ZPBP: variants seen among roughly 807,000 people sequenced by gnomAD.
ZPBP encodes zona pellucida binding protein.
A neutral mutation model predicts 44.8 loss-of-function variants in ZPBP; 26 were observed. The ratio of observed to expected loss-of-function variants is 0.58; its 90% confidence interval spans 0.43 to 0.81. ZPBP has a LOEUF of 0.81. Ranked by LOEUF, ZPBP falls within the 30% of genes least tolerant of loss-of-function variation. The probability of loss-of-function intolerance (pLI) is 0.00; values close to 1 mark genes in which losing one functional copy is unlikely to be tolerated. For missense variants in ZPBP, 409 were observed against 434.0 expected, an observed-to-expected ratio of 0.94 and a Z score of 0.51; for synonymous variants, 174 against 153.2, an observed-to-expected ratio of 1.14 and a Z score of -1.00.
intron 6 of ZPBP, 83 bp from the exon 7 acceptor site, chr7:49,983,602 A>T: frequency 1.1e-6 from 1 of 881,414 alleles, no homozygotes; most frequent in Non-Finnish European, 1.7e-6. Context: ...TGGATTTAGA[A>T]TTTAAAGAAA....
rs988006066 is a variant in ZPBP, at chr7:50,034,383, C to T, written c.488-3073G>A. Among the ~76,000 whole-genome samples, 77 of 152,112 alleles carry T rather than the reference C, an allele frequency of 5.1e-4. 4 individuals carry two copies. Among genetic ancestry groups the T allele is most frequent in the Non-Finnish European group, 7.4e-5 (5 of 68,024 alleles). On this transcript the variant is annotated intron_variant, in intron 4 of 7. Coordinates refer to ENST00000046087, the MANE Select transcript of ZPBP (RefSeq NM_007009.3). ...CCTGATACAAACTTTGGAGAAATCA[C>T]TACAACAACTTATGTATGTACAGAA...
intron 7 of ZPBP, among the ~76,000 whole-genome samples, chr7:49,981,289 AAT>A (rs1491285424): frequency 8.0e-5 from 6 of 74,850 alleles, no homozygotes; most frequent in Admixed American, 4.8e-4. Flanking sequence ...TATATTATAT[AAT>A]ATATATTATA....
intron 2 of ZPBP, among the ~76,000 whole-genome samples, chr7:49,887,391 A>G (rs1049214671): frequency 1.3e-5 from 2 of 152,240 alleles, no homozygotes; most frequent in African/African-American, 2.4e-5. Context: ...ATCAAGAATG[A>G]CAGACAAAGA....
chr7:49,924,837 G>A (rs549213813), intron 1 of ZPBP, among the ~76,000 whole-genome samples: 1 of 152,296 alleles, frequency 6.6e-6, no homozygotes, highest in South Asian at 2.1e-4. Flanking sequence ...TTCAGGATTT[G>A]AGGAACGACA....
downstream of ZPBP, among the ~76,000 whole-genome samples, chr7:49,845,934 G>A (rs1012601271): frequency 6.6e-6 from 1 of 152,168 alleles, no homozygotes; most frequent in African/African-American, 2.4e-5. Context: ...TTTCACTAAT[G>A]AGTCTTTGAC....
chr7:49,881,490 C>T (rs539096610), intron 2 of ZPBP, among the ~76,000 whole-genome samples: 64 of 152,240 alleles, frequency 4.2e-4, no homozygotes, highest in Middle Eastern at 6.8e-3. Flanking sequence ...ATGCACAAAA[C>T]GTCCTGTCTC....
intron 2 of ZPBP, among the ~76,000 whole-genome samples, chr7:49,857,789 A>C (rs1451451506): frequency 6.6e-6 from 1 of 152,194 alleles, no homozygotes; most frequent in Non-Finnish European, 1.5e-5. Flanking sequence ...CTACAGTCTC[A>C]CTTCTGGGTA....
At chr7:50,059,350 T>C (rs1801132107) in intron 3 of ZPBP, among the ~76,000 whole-genome samples, 1 of 152,166 alleles carries the variant, frequency 6.6e-6, no homozygotes, top group Non-Finnish European at 1.5e-5. Context: ...GAAAGAGAAA[T>C]GAACAGATGA....
chr7:50,082,243 C>T (rs150118559), intron 2 of ZPBP, among the ~76,000 whole-genome samples: 4 of 151,736 alleles, frequency 2.6e-5, no homozygotes, highest in Non-Finnish European at 5.9e-5. Context: ...ACTATATCTA[C>T]ACTTTATCTG....
intron 1 of ZPBP, among the ~76,000 whole-genome samples, chr7:49,904,981 AC>A (rs1352007755): frequency 6.6e-6 from 1 of 151,730 alleles, no homozygotes; most frequent in African/African-American, 2.4e-5. Flanking sequence ...TAATCTACCC[AC>A]CTCAGCCTCC....
intron 1 of ZPBP, among the ~76,000 whole-genome samples, chr7:49,925,111 G>C (rs753472296): frequency 6.6e-6 from 1 of 152,150 alleles, no homozygotes; most frequent in Non-Finnish European, 1.5e-5. Flanking sequence ...GGTAGTATCT[G>C]GTCCATTTCT....
chr7:49,888,093 T>A (rs1204209660), intron 2 of ZPBP, among the ~76,000 whole-genome samples: 1 of 152,252 alleles, frequency 6.6e-6, no homozygotes, highest in Non-Finnish European at 1.5e-5. Context: ...GAGACTCTTC[T>A]CAGCCTCTTC....
chr7:49,929,131 A>G (rs767103360), intron 1 of ZPBP, among the ~76,000 whole-genome samples: 5 of 152,216 alleles, frequency 3.3e-5, no homozygotes, highest in African/African-American at 1.2e-4. Context: ...AGCATGCCCA[A>G]TGGAAATAAA....
At chr7:49,854,558 T>C (rs1790335723) in intron 2 of ZPBP, among the ~76,000 whole-genome samples, 1 of 152,132 alleles carries the variant, frequency 6.6e-6, no homozygotes. Flanking sequence ...TTTGATGGGG[T>C]TGTTAGTTTT....
At chr7:49,977,285 G>A (rs578102706) in intron 7 of ZPBP, among the ~76,000 whole-genome samples, 27 of 152,032 alleles carry the variant, frequency 1.8e-4, no homozygotes, top group African/African-American at 3.1e-4. Flanking sequence ...TCGAAAAGGC[G>A]GATGAGTTTT....
intron 1 of ZPBP, chr7:49,914,255 T>C (rs1793605967): frequency 6.6e-6 from 1 of 152,238 alleles, no homozygotes; most frequent in African/African-American, 2.4e-5. Flanking sequence ...CTGTTTCCCT[T>C]AATAATAATT....
intron 7 of ZPBP, among the ~76,000 whole-genome samples, chr7:49,961,155 T>C (rs899494352): frequency 2.6e-5 from 4 of 152,270 alleles, no homozygotes; most frequent in Middle Eastern, 3.4e-3. Context: ...CAAAGACTTG[T>C]ACAGGAATAT....
intron 1 of ZPBP, among the ~76,000 whole-genome samples, chr7:49,925,152 A>C (rs1794186021): frequency 6.6e-6 from 1 of 152,066 alleles, no homozygotes; most frequent in Non-Finnish European, 1.5e-5. Context: ...TGGTCTAAGT[A>C]CTGGTCATAT....
chr7:49,932,764 T>C (rs1314598653), downstream of ZPBP, among the ~76,000 whole-genome samples: 2 of 152,124 alleles, frequency 1.3e-5, no homozygotes, highest in African/African-American at 2.4e-5. Flanking sequence ...TCACCTTGAA[T>C]TGTAATAATC....
Sources: allele counts gnomAD v4.1 joint callset (sites outside exome capture counted in the v4.1 genomes callset), GRCh38; gene constraint gnomAD v4.1.1; transcripts MANE v1.5; gene names NCBI Gene and HGNC (gene_info 2026-07-23, HGNC 2026-07-21).